WDR88: variants seen among roughly 807,000 people sequenced by gnomAD.
WDR88 encodes the protein WD repeat-containing protein 88.
Under a neutral mutation model 46.8 loss-of-function variants are expected in WDR88, and 40 were observed. The ratio of observed to expected loss-of-function variants is 0.86; its 90% CI spans 0.66 to 1.11. The LOEUF (loss-of-function observed/expected upper bound fraction) is 1.11. Ranked by LOEUF, WDR88 falls within the 50% of genes most tolerant of loss-of-function variation. WDR88 has a pLI of 0.00. For missense variants in WDR88, 562 were observed against 602.4 expected (o/e 0.93, Z 0.70); for synonymous variants, 235 against 240.7 (o/e 0.98, Z 0.22).
intron 2 of WDR88, among the ~76,000 whole-genome samples, chr19:33,138,472 T>G (rs1973322177): frequency 6.6e-6 from 1 of 151,884 alleles, no homozygotes; most frequent in Non-Finnish European, 1.5e-5. Flanking sequence ...CTCAGCCTCC[T>G]GAGTAGCTAG....
chr19:33,172,559 C>T, intron 10 of WDR88, 119 bp downstream of exon 10: 4 of 810,092 alleles, frequency 4.9e-6, no homozygotes, highest in Non-Finnish European at 5.8e-6. Flanking sequence ...AACAGACTGA[C>T]ATTTTTGCCC....
chr19:33,144,553 C>T (rs1973470533), intron 2 of WDR88, among the ~76,000 whole-genome samples: 1 of 152,198 alleles, frequency 6.6e-6, no homozygotes, highest in Admixed American at 6.5e-5. Context: ...GAAAGGAAAA[C>T]ACAATCTGTT....
chr19:33,166,255 GCCAA>G (rs1234631659), intron 9 of WDR88, among the ~76,000 whole-genome samples: 7 of 138,576 alleles, frequency 5.1e-5, no homozygotes, highest in Non-Finnish European at 1.1e-4. Flanking sequence ...TCCAGCCTGG[GCCAA>G]ACAGTGAGAC....
intron 8 of WDR88, among the ~76,000 whole-genome samples, chr19:33,162,845 AC>A (rs1973891904): frequency 6.6e-6 from 1 of 151,296 alleles, no homozygotes; most frequent in Non-Finnish European, 1.5e-5. Flanking sequence ...TTGAGCTGCT[AC>A]ACTCCAGCCT....
intron 2 of WDR88, among the ~76,000 whole-genome samples, chr19:33,143,360 AAGG>A: frequency 1.5e-5 from 2 of 130,066 alleles, no homozygotes; most frequent in African/African-American, 6.4e-5. Flanking sequence ...AAAAAAAAAA[AAGG>A]CTGGTCACAG....
chr19:33,172,284 G>A, intron 9 of WDR88, 64 bp from the exon 10 acceptor site: 7 of 1,335,944 alleles, frequency 5.2e-6, no homozygotes, highest in Non-Finnish European at 7.4e-6. Flanking sequence ...ATTGTTGAAT[G>A]ACATTCCTTT....
At chr19:33,159,377 A>ACT (rs1973823581) in intron 7 of WDR88, among the ~76,000 whole-genome samples, 1 of 151,436 alleles carries the variant, frequency 6.6e-6, no homozygotes, top group Non-Finnish European at 1.5e-5. Context: ...TAAATAAATA[A>ACT]ATAAATAACA....
chr19:33,147,790 G>A, intron 4 of WDR88, 82 bp downstream of exon 4: 1 of 1,239,678 alleles, frequency 8.1e-7, no homozygotes. Flanking sequence ...TTGGACCCTG[G>A]GTAGGGGGAG....
At chr19:33,145,861 CTT>C (rs1405091591) in intron 3 of WDR88, among the ~76,000 whole-genome samples, 2 of 152,158 alleles carry the variant, frequency 1.3e-5, no homozygotes, top group Non-Finnish European at 2.9e-5. Flanking sequence ...AGAGGACAAA[CTT>C]TGCCACAGAA....
At chr19:33,161,103 G>T (rs1183713289) in intron 8 of WDR88, among the ~76,000 whole-genome samples, 1 of 152,104 alleles carries the variant, frequency 6.6e-6, no homozygotes, top group Non-Finnish European at 1.5e-5. Context: ...AACCCGGGAG[G>T]CGGAGGTTGC....
chr19:33,144,252 T>G (rs1193170732), intron 2 of WDR88, among the ~76,000 whole-genome samples: 1 of 152,192 alleles, frequency 6.6e-6, no homozygotes. Context: ...CAGGCTGGAA[T>G]GAAGTGGCGC....
intron 1 of WDR88, among the ~76,000 whole-genome samples, chr19:33,134,850 C>T (rs978658225): frequency 1.4e-5 from 2 of 139,686 alleles, no homozygotes; most frequent in African/African-American, 2.6e-5. Context: ...ACCCCCCCCC[C>T]CGCCCCGCAT....
rs1347833689 is a variant in WDR88, at chr19:33,132,217, C to T, written c.48C>T (p.Cys16=). Reference sequence around the variant, plus strand: ...CCCCGACAGCCCATGACAGGGAATGCAAGTTGCCGCCACCCTCCGCCCCCG... The same window carrying T: ...CCCCGACAGCCCATGACAGGGAATGTAAGTTGCCGCCACCCTCCGCCCCCG... ...RCSPTAHDRE[C]KLPPPSAPAS... is the part of the protein sequence containing the mutation. Residue 16 remains cysteine, a synonymous_variant, in exon 1 of 11, where the codon TGC becomes TGT. Transcript: ENST00000355868. The T allele has an allele frequency of 4.4e-6, 7 of 1,608,976 alleles. No individual in the cohort carries two copies. In the African/African-American group the frequency reaches 8.0e-5, roughly 18 times the overall value.
chr19:33,156,998 CCAGCCTGGGCAACA>C (rs1373361129), intron 7 of WDR88, among the ~76,000 whole-genome samples: 1 of 152,012 alleles, frequency 6.6e-6, no homozygotes, highest in Non-Finnish European at 1.5e-5. Context: ...GAGTTCAAGA[CCAGCCTGGGCAACA>C]CAGCAAGACC....
At chr19:33,156,212 T>A (rs1973731274) in intron 6 of WDR88, 143 bp from the exon 7 acceptor site, 1 of 705,856 alleles carries the variant, frequency 1.4e-6, no homozygotes, top group Admixed American at 2.8e-5. Context: ...CTTAGGTATG[T>A]CTTCAGGTCC....
intron 9 of WDR88, among the ~76,000 whole-genome samples, chr19:33,170,818 T>G (rs1974026076): frequency 6.6e-6 from 1 of 151,848 alleles, no homozygotes; most frequent in African/African-American, 2.4e-5. Flanking sequence ...GCTGAGGGCA[T>G]GCCACTGCAC....
chr19:33,142,849 T>TAAA (rs1973426498), intron 2 of WDR88: 2 of 1,354 alleles, frequency 1.5e-3, no homozygotes, highest in African/African-American at 3.0e-3. Flanking sequence ...CTACTAAAAA[T>TAAA]ACAAAAAAAA....
At position 33,164,187 on chromosome 19, in the gene WDR88, A is replaced by G; in HGVS notation, c.1081-10A>G. ...CTCCACGTTTTCATTAAAATTTGAT[A>G]TTTCTTCAGGGCCATAATGACTGGG... is the stretch of plus-strand genomic sequence containing the variant. On this transcript the variant is annotated splice_polypyrimidine_tract_variant and intron_variant, in intron 8 of 10. Transcript: ENST00000355868. 3 of 1,612,016 alleles carry G rather than the reference A, an allele frequency of 1.9e-6. No homozygotes were observed. The highest frequency in any genetic ancestry group is 2.5e-6 in the Non-Finnish European group (3 of 1,178,286).
chr19:33,149,787 G>T (rs1973596187), intron 5 of WDR88, among the ~76,000 whole-genome samples: 3 of 151,970 alleles, frequency 2.0e-5, no homozygotes, highest in Admixed American at 1.3e-4. Context: ...AGCCTTCTGA[G>T]TAGCTGGGAT....
Sources: allele counts gnomAD v4.1 joint callset (sites outside exome capture counted in the v4.1 genomes callset), GRCh38; gene constraint gnomAD v4.1.1; transcripts MANE v1.5; gene names NCBI Gene and HGNC (gene_info 2026-07-23, HGNC 2026-07-21).